Variants in NSL1 observed in about 807,000 individuals in gnomAD.
The protein encoded by NSL1 is NSL1 component of MIS12 kinetochore complex.
NSL1 carries 11 observed loss-of-function variants against 25.4 expected under a neutral mutation model. That is an observed-to-expected ratio of 0.43 (90% CI 0.27 to 0.72). The LOEUF (loss-of-function observed/expected upper bound fraction) is 0.72. NSL1 is among the 30% of genes least tolerant of loss of function. The probability of loss-of-function intolerance (pLI) is 0.19; values close to 1 mark genes in which losing one functional copy is unlikely to be tolerated. For synonymous variants in NSL1, 118 were observed against 120.6 expected (o/e 0.98, Z 0.14); for missense variants, 330 against 342.7 (o/e 0.96, Z 0.29).
At chr1:212,749,581 C>T (rs968083165) in intron 4 of NSL1, among the ~76,000 whole-genome samples, 1 of 151,888 alleles carries the variant, frequency 6.6e-6, no homozygotes, top group African/African-American at 2.4e-5. Context: ...GCCACTATGC[C>T]CAGCCTACAC....
At chr1:212,743,884 C>A (rs1365081802) in intron 4 of NSL1, among the ~76,000 whole-genome samples, 1 of 152,098 alleles carries the variant, frequency 6.6e-6, no homozygotes, top group African/African-American at 2.4e-5. Context: ...GTTACTGGTG[C>A]TGGAGATAAC....
At chr1:212,788,751 A>G (rs571863132) in intron 1 of NSL1, among the ~76,000 whole-genome samples, 2 of 152,234 alleles carry the variant, frequency 1.3e-5, no homozygotes, top group Admixed American at 6.5e-5. Context: ...GAAAAAACCT[A>G]AAGTCAAAAT....
intron 4 of NSL1, among the ~76,000 whole-genome samples, chr1:212,773,103 T>C (rs1239389861): frequency 6.6e-6 from 1 of 152,040 alleles, no homozygotes; most frequent in African/African-American, 2.4e-5. Context: ...TAGGGAAACA[T>C]AGGAAAAACA....
chr1:212,757,431 T>C (rs749614711), intron 4 of NSL1, among the ~76,000 whole-genome samples: 2 of 152,162 alleles, frequency 1.3e-5, no homozygotes, highest in African/African-American at 4.8e-5. Flanking sequence ...TTTATTACTA[T>C]AAAGGAATAT....
intron 4 of NSL1, 133 bp downstream of exon 4, chr1:212,782,239 A>G: frequency 2.7e-6 from 2 of 727,762 alleles, no homozygotes; most frequent in Non-Finnish European, 5.0e-6. Flanking sequence ...AATGCTAAAC[A>G]TGAATGACTG....
At position 212,738,698 on chromosome 1, in the gene NSL1, C is replaced by T. The variant is rs1183602871; in HGVS notation, c.568-12G>A. 6.2e-7 allele frequency: 1 copy of T among 1,605,372 alleles called. No homozygotes were observed. The highest frequency in any genetic ancestry group is 8.5e-7 in the Non-Finnish European group (1 of 1,173,936). ...AATGCAGGCAAGGACTTCAAACAAA[C>T]AAACAGTAATATTCAACATTAATCT... is the stretch of plus-strand genomic sequence containing the variant. On this transcript the variant is annotated splice_polypyrimidine_tract_variant and intron_variant, in intron 5 of 5. Coordinates refer to ENST00000366977, the MANE Select transcript of NSL1 (RefSeq NM_015471.4).
At chr1:212,773,007 A>G (rs569315489) in intron 4 of NSL1, among the ~76,000 whole-genome samples, 159 of 152,270 alleles carry the variant, frequency 1.0e-3, no homozygotes, top group African/African-American at 3.6e-3. Flanking sequence ...CAAGAATAAA[A>G]CTAGACTCCT....
At chr1:212,738,934 T>C (rs1321845529) in intron 5 of NSL1, among the ~76,000 whole-genome samples, 3 of 152,120 alleles carry the variant, frequency 2.0e-5, no homozygotes, top group Non-Finnish European at 4.4e-5. Context: ...GGCTAATTTT[T>C]GTATTTTTAG....
chr1:212,741,506 G>A (rs540626924), intron 4 of NSL1, among the ~76,000 whole-genome samples: 1 of 152,196 alleles, frequency 6.6e-6, no homozygotes, highest in South Asian at 2.1e-4. Context: ...CATGAGATCT[G>A]GTTGTTTGAA....
At chr1:212,767,624 T>C (rs1386791088) in intron 4 of NSL1, among the ~76,000 whole-genome samples, 1 of 151,514 alleles carries the variant, frequency 6.6e-6, no homozygotes, top group East Asian at 1.9e-4. Flanking sequence ...ATCAGCAGAG[T>C]AAACAGACAA....
intron 4 of NSL1, among the ~76,000 whole-genome samples, chr1:212,745,942 A>G (rs2135824): frequency 0.23 from 34,353 of 151,920 alleles, 4,555 homozygotes; most frequent in African/African-American, 0.38. Context: ...CTCTAGCCTG[A>G]ATGACAGAGT....
At chr1:212,770,793 A>G (rs902609652) in intron 4 of NSL1, among the ~76,000 whole-genome samples, 7 of 152,196 alleles carry the variant, frequency 4.6e-5, no homozygotes, top group African/African-American at 1.7e-4. Flanking sequence ...AAAATCCTTA[A>G]CAAAATACTA....
chr1:212,761,365 C>T (rs375142382), intron 4 of NSL1, among the ~76,000 whole-genome samples: 22 of 152,140 alleles, frequency 1.4e-4, no homozygotes, highest in East Asian at 7.7e-4. Flanking sequence ...GCCTGGGCAA[C>T]GTGGCGAAAC....
chr1:212,780,517 GA>G (rs35100292), intron 4 of NSL1, among the ~76,000 whole-genome samples: 42,852 of 132,710 alleles, frequency 0.32, 7,453 homozygotes, highest in Non-Finnish European at 0.4. Flanking sequence ...AAAAAAAAAG[GA>G]AAAAAAAAAA....
chr1:212,759,589 A>G (rs1458487029), intron 4 of NSL1, among the ~76,000 whole-genome samples: 1 of 152,064 alleles, frequency 6.6e-6, no homozygotes, highest in Non-Finnish European at 1.5e-5. Flanking sequence ...TGGGTACCTC[A>G]CATACCCCCA....
At chr1:212,762,306 CAAAAAAAA>C (rs71147025) in intron 4 of NSL1, among the ~76,000 whole-genome samples, 42 of 114,634 alleles carry the variant, frequency 3.7e-4, no homozygotes, top group Middle Eastern at 4.5e-3. Flanking sequence ...TTAAAAGAAA[CAAAAAAAA>C]AAAAAAAAAA....
chr1:212,745,578 A>G (rs1321774875), intron 4 of NSL1, among the ~76,000 whole-genome samples: 1 of 152,188 alleles, frequency 6.6e-6, no homozygotes, highest in African/African-American at 2.4e-5. Context: ...GTGCTGAAAG[A>G]CTTCTAAAAA....
At chr1:212,789,277 T>C (rs552790893) in intron 1 of NSL1, among the ~76,000 whole-genome samples, 2 of 152,334 alleles carry the variant, frequency 1.3e-5, no homozygotes, top group South Asian at 4.1e-4. Flanking sequence ...AATGGCGCAA[T>C]CTTGGCTCAC....
intron 4 of NSL1, among the ~76,000 whole-genome samples, chr1:212,745,715 C>G (rs996562956): frequency 2.0e-5 from 3 of 152,168 alleles, no homozygotes; most frequent in Admixed American, 2.0e-4. Context: ...ATAATCCCAG[C>G]ACTTTGGGAG....
Sources: gnomAD v4.1 joint callset for allele counts (sites outside exome capture counted in the v4.1 genomes callset) on GRCh38, gnomAD v4.1.1 for gene constraint, MANE v1.5 for transcripts, NCBI Gene and HGNC (gene_info 2026-07-23, HGNC 2026-07-21) for gene names.